CIT: variants seen among roughly 807,000 people sequenced by gnomAD.
The protein encoded by CIT is citron Rho-interacting kinase.
In CIT, 79 loss-of-function variants were observed where a neutral mutation model predicts 272.7. The observed-to-expected ratio is 0.29, with a 90% CI of 0.24 to 0.35. CIT has a LOEUF of 0.35. CIT is among the 10% of genes least tolerant of loss of function. The pLI is 1.00. For synonymous variants in CIT, 948 were observed against 995.6 expected, an observed-to-expected ratio of 0.95 and a Z score of 0.90; for missense variants, 1,909 against 2,618.3, an observed-to-expected ratio of 0.73 and a Z score of 5.91.
At chr12:119,727,158 G>T (rs1958160461) in intron 28 of CIT, among the ~76,000 whole-genome samples, 1 of 152,110 alleles carries the variant, frequency 6.6e-6, no homozygotes, top group Non-Finnish European at 1.5e-5. Flanking sequence ...CTTACTATGT[G>T]CTTGACACTC....
At chr12:119,850,151 G>C (rs1566124243) in intron 5 of CIT, 23 bp downstream of exon 5, 1 of 1,416,628 alleles carries the variant, frequency 7.1e-7, no homozygotes, top group East Asian at 2.3e-5. Flanking sequence ...GCTAATTCCA[G>C]AGAGACAGAT....
Position 119,857,515 on chromosome 12 carries a change from C to T in CIT, c.414+8G>A. On this transcript the variant is annotated splice_region_variant and intron_variant, in intron 4 of 47. Transcript: ENST00000392521. ...AAGTGGAAAAGCATGATGTTAAAAT[C>T]CTCCTACCTGCTCCTGGGCCAATAA... 1.2e-6 allele frequency: 2 copies of T among 1,613,786 alleles called. No homozygotes were observed. Among genetic ancestry groups the T allele is most frequent in the Non-Finnish European group, 1.7e-6 (2 of 1,179,862 alleles).
At chr12:119,825,752 TATC>T (rs1968111266) in intron 7 of CIT, among the ~76,000 whole-genome samples, 1 of 152,114 alleles carries the variant, frequency 6.6e-6, no homozygotes, top group African/African-American at 2.4e-5. Context: ...GAATCTAAAA[TATC>T]AACCTAACCA....
intron 5 of CIT, among the ~76,000 whole-genome samples, chr12:119,838,608 C>G (rs1027902112): frequency 2.0e-5 from 3 of 152,172 alleles, no homozygotes; most frequent in African/African-American, 7.2e-5. Flanking sequence ...ACCAATATGG[C>G]TCCCTACTCC....
At position 119,712,300 on chromosome 12, in the gene CIT, A is replaced by G. The variant is rs776067934; in HGVS notation, c.4732T>C (p.Trp1578Arg). Residue 1578 changes from tryptophan to arginine, a missense_variant, in exon 37 of 48, where the codon TGG becomes CGG. Physicochemically the swap from Trp to Arg is moderately radical, Grantham distance 101. Transcript: ENST00000392521. The surrounding 1 kb of genome is among the most constrained non-coding windows in gnomAD (Gnocchi z 5.2). ...KMESHPHTTCWPGRTLYLLAP... is the reference protein window; with the variant it reads ...KMESHPHTTCRPGRTLYLLAP... Reference sequence around the variant, plus strand: ...AGCAAGTAGAGGGTTCTCCCGGGCCAGCAGGTGGTGTGCGGGTGAGATTCC... The same window carrying G: ...AGCAAGTAGAGGGTTCTCCCGGGCCGGCAGGTGGTGTGCGGGTGAGATTCC... The G allele has an allele frequency of 6.2e-6, 10 of 1,614,130 alleles. No individual in the cohort carries two copies. Among genetic ancestry groups the G allele is most frequent in the Non-Finnish European group, 8.5e-6 (10 of 1,179,976 alleles).
chr12:119,866,529 C>T (rs1299615139), intron 3 of CIT, among the ~76,000 whole-genome samples: 2 of 152,040 alleles, frequency 1.3e-5, no homozygotes, highest in Non-Finnish European at 2.9e-5. Flanking sequence ...TACTCAAATG[C>T]TGTTGTGGGC....
At chr12:119,830,691 G>T (rs956011482) in intron 7 of CIT, among the ~76,000 whole-genome samples, 2 of 152,130 alleles carry the variant, frequency 1.3e-5, no homozygotes, top group Non-Finnish European at 2.9e-5. Context: ...AGGGGAGGGT[G>T]CTAATGGCAT....
In CIT at chr12:119,712,700, G is replaced by C; in HGVS notation, c.4580-5C>G. ...CTTCCACCGGCCTCTGTCCAGCTTG[G>C]TGCAAAGAGGAAGGGCAGAAAGAAA... On this transcript the variant is annotated splice_polypyrimidine_tract_variant and splice_region_variant and intron_variant, in intron 35 of 47. Transcript: ENST00000392521. This position sits in a 1 kb window ranked among gnomAD's most constrained non-coding sequence, Gnocchi z 5.2. 1 of 1,612,406 alleles carries C rather than the reference G, an allele frequency of 6.2e-7. No individual in the cohort carries two copies. Among genetic ancestry groups the C allele is most frequent in the Non-Finnish European group, 8.5e-7 (1 of 1,178,488 alleles).
intron 28 of CIT, among the ~76,000 whole-genome samples, chr12:119,726,991 A>G (rs1334405057): frequency 1.3e-5 from 2 of 152,248 alleles, no homozygotes; most frequent in African/African-American, 4.8e-5. Flanking sequence ...TTTGGTACTC[A>G]GAATAATCTG....
In CIT at chr12:119,690,027, G is replaced by T; in HGVS notation, c.6186+124C>A. 2.1e-6 allele frequency: 2 copies of T among 945,458 alleles called. No homozygotes were observed. The highest frequency in any genetic ancestry group is 2.8e-6 in the Non-Finnish European group (2 of 707,614). 58.6% of individuals were successfully genotyped at this position (945,458 alleles called of 1,614,324 possible). On this transcript the variant is annotated intron_variant, in intron 47 of 47. Transcript: ENST00000392521. This position sits in a 1 kb window ranked among gnomAD's most constrained non-coding sequence, Gnocchi z 6.0. ...TTTTCTTCCTAAATTCCTGTGTCTC[G>T]CAAAGTCTGAATTACAGTCATGGAG...
At chr12:119,696,186 C>T (rs1301450637) in intron 46 of CIT, among the ~76,000 whole-genome samples, 5 of 152,144 alleles carry the variant, frequency 3.3e-5, no homozygotes, top group African/African-American at 9.7e-5. Context: ...GTACTGTACA[C>T]CTTTCTTATC....
At position 119,832,812 on chromosome 12, in the gene CIT, C is replaced by T. The variant is rs754130603; in HGVS notation, c.712G>A (p.Val238Met). 1.2e-6 allele frequency: 2 copies of T among 1,614,094 alleles called. No homozygotes were observed. Among genetic ancestry groups the T allele is most frequent in the Non-Finnish European group, 1.7e-6 (2 of 1,179,970 alleles). The change falls in exon 7 of 48, where the codon GTG (valine) becomes ATG (methionine). Residue 238 changes from valine to methionine, a missense_variant. Physicochemically the swap from Val to Met is conservative, Grantham distance 21. This residue lies in a region of CIT where 529 missense variants were observed against 549.6 expected (regional missense o/e 0.96). Coordinates refer to ENST00000392521, the MANE Select transcript of CIT (RefSeq NM_001206999.2). The stretch of plus-strand genomic sequence containing the variant: ...ATTTTCGCGGCAGATCCAAAATCCA[C>T]CAGCTTGATGTGTCCTGTGCGGTCA... Reference protein sequence around the residue: ...LVDRTGHIKLVDFGSAAKMNS... With the variant: ...LVDRTGHIKLMDFGSAAKMNS...
intron 17 of CIT, among the ~76,000 whole-genome samples, chr12:119,772,419 C>T (rs929977569): frequency 7.2e-5 from 11 of 151,774 alleles, no homozygotes; most frequent in African/African-American, 2.7e-4. Flanking sequence ...CTATTAATAT[C>T]GTGGAGGGGA....
At chr12:119,693,470 C>A (rs754153277) in intron 46 of CIT, among the ~76,000 whole-genome samples, 1 of 152,194 alleles carries the variant, frequency 6.6e-6, no homozygotes, top group African/African-American at 2.4e-5. Context: ...CTGTTTTGAT[C>A]GCACAGTAAG....
At chr12:119,775,974 G>A (rs887955838) in intron 15 of CIT, 135 bp from the exon 16 acceptor site, 1 of 665,370 alleles carries the variant, frequency 1.5e-6, no homozygotes, top group South Asian at 2.1e-5. Flanking sequence ...TTAAGGGAGA[G>A]GAAGAACAGT....
intron 10 of CIT, among the ~76,000 whole-genome samples, chr12:119,801,828 G>C (rs1966228963): frequency 6.6e-6 from 1 of 152,170 alleles, no homozygotes; most frequent in Non-Finnish European, 1.5e-5. Context: ...TGGGGTTGTG[G>C]AGCAAATCAG....
intron 2 of CIT, among the ~76,000 whole-genome samples, chr12:119,872,622 T>C (rs933069081): frequency 1.3e-5 from 2 of 152,300 alleles, no homozygotes; most frequent in African/African-American, 4.8e-5. Context: ...ATACAAGATA[T>C]ACTTAATAAA....
chr12:119,845,677 C>A (rs1042227459), intron 5 of CIT, among the ~76,000 whole-genome samples: 1 of 146,618 alleles, frequency 6.8e-6, no homozygotes, highest in Non-Finnish European at 1.5e-5. Flanking sequence ...AAAAGCCAGG[C>A]GTGGTGGCTC....
intron 10 of CIT, among the ~76,000 whole-genome samples, chr12:119,793,727 T>C (rs1267604637): frequency 6.6e-6 from 1 of 152,250 alleles, no homozygotes; most frequent in South Asian, 2.1e-4. Context: ...CGACTCCTTA[T>C]TGATATTCTG....
Sources: allele counts gnomAD v4.1 joint callset (sites outside exome capture counted in the v4.1 genomes callset), GRCh38; gene constraint gnomAD v4.1.1; regional missense constraint gnomAD v4.1.1; non-coding constraint Gnocchi (gnomAD v3.1); transcripts MANE v1.5; gene names NCBI Gene and HGNC (gene_info 2026-07-23, HGNC 2026-07-21).